Variants in DEPDC5 observed in about 807,000 individuals in gnomAD.
DEPDC5 encodes DEP domain containing 5, GATOR1 subcomplex subunit.
Under a neutral mutation model 217.3 loss-of-function variants are expected in DEPDC5, and 73 were observed. The ratio of observed to expected loss-of-function variants is 0.34; its 90% CI spans 0.28 to 0.41. The LOEUF (loss-of-function observed/expected upper bound fraction) is 0.41. Ranked by LOEUF, DEPDC5 falls within the 10% of genes least tolerant of loss-of-function variation. The pLI is 1.00. For missense variants in DEPDC5, 1,675 were observed against 2,070.1 expected, an observed-to-expected ratio of 0.81 and a Z score of 3.70; for synonymous variants, 733 against 756.7, an observed-to-expected ratio of 0.97 and a Z score of 0.51.
At chr22:31,755,615 G>C (rs1190521284) in intron 2 of DEPDC5, 1 of 151,384 alleles carries the variant, frequency 6.6e-6, no homozygotes, top group Non-Finnish European at 1.5e-5. Flanking sequence ...TGTTGCCCAG[G>C]CTAGTCTGGA....
In DEPDC5 at chr22:31,844,884, A is replaced by G. The variant is rs945289850; in HGVS notation, c.2802-134A>G. On this transcript the variant is annotated intron_variant, in intron 29 of 42. Coordinates refer to ENST00000651528, the MANE Select transcript of DEPDC5 (RefSeq NM_001242896.3). ...AACTTGTATTTTCAACAAAGCCATG[A>G]GCTGTAGCATCAAATGAGCACATAC... 18 of 896,964 alleles carry G rather than the reference A, an allele frequency of 2.0e-5. No homozygotes were observed. The Admixed American group carries it at 3.9e-4, about 19-fold the overall frequency. The allele number at this position is 896,964 out of a possible 1,614,324, so 55.6% of individuals were successfully genotyped here.
intron 27 of DEPDC5, among the ~76,000 whole-genome samples, chr22:31,842,771 A>G (rs2091474295): frequency 6.6e-6 from 1 of 152,124 alleles, no homozygotes. Flanking sequence ...GTAGAGTTCC[A>G]TTTTAGTAAC....
At chr22:31,819,898 G>A (rs2089516697) in intron 22 of DEPDC5, among the ~76,000 whole-genome samples, 1 of 152,056 alleles carries the variant, frequency 6.6e-6, no homozygotes, top group African/African-American at 2.4e-5. Flanking sequence ...TTGGTTACAA[G>A]GAGTTATGTT....
At chr22:31,832,499 T>C (rs1415357614) in intron 24 of DEPDC5, among the ~76,000 whole-genome samples, 1 of 148,234 alleles carries the variant, frequency 6.7e-6, no homozygotes, top group East Asian at 2.0e-4. Context: ...TTTTTTTTTT[T>C]CTTTTGAGAC....
chr22:31,819,064 G>T lies in DEPDC5; in HGVS notation c.1709G>T (p.Ser570Ile). The T allele has an allele frequency of 6.2e-7, 1 of 1,614,216 alleles. No homozygotes were observed. Residue 570 changes from serine to isoleucine, a missense_variant, in exon 22 of 43, where the codon AGT (serine) becomes ATT (isoleucine). By Grantham distance (142) the Ser-to-Ile change is moderately radical. Transcript: ENST00000651528. ...NMMEPPQRDS[S>I]APGRFHVGSA... Reference sequence around the variant, plus strand: ...ATGGAGCCACCACAGCGAGACTCCAGTGCACCAGGGAGGTTTCACGTTGGC... The same window carrying T: ...ATGGAGCCACCACAGCGAGACTCCATTGCACCAGGGAGGTTTCACGTTGGC...
At chr22:31,797,825 C>T in intron 13 of DEPDC5, 122 bp downstream of exon 13, 3 of 763,448 alleles carry the variant, frequency 3.9e-6, no homozygotes, top group Non-Finnish European at 6.6e-6. Context: ...TGCTTTTGGT[C>T]AGGGTTCTGT....
At position 31,843,102 on chromosome 22, in the gene DEPDC5, G is replaced by T; in HGVS notation, c.2523G>T (p.Val841=). 6.2e-7 allele frequency: 1 copy of T among 1,612,792 alleles called. No individual in the cohort carries two copies. Among genetic ancestry groups the T allele is most frequent in the Non-Finnish European group, 8.5e-7 (1 of 1,179,598 alleles). Residue 841 remains valine (V), a synonymous_variant, in exon 28 of 43, where the codon GTG becomes GTT. Transcript: ENST00000651528. ...SSSPLYSRGL[V]SRNRPEEEDQ... ...TTATTATTTTTCTGTTAGGCCTTGT[G>T]TCCCGAAACCGCCCTGAGGAGGAGG...
At chr22:31,801,592 A>G (rs2086873650) in intron 14 of DEPDC5, among the ~76,000 whole-genome samples, 1 of 152,242 alleles carries the variant, frequency 6.6e-6, no homozygotes, top group Non-Finnish European at 1.5e-5. Context: ...CTCAAACACC[A>G]TGTCGAAGAA....
chr22:31,770,864 TCA>T (rs2083292136), intron 7 of DEPDC5, among the ~76,000 whole-genome samples: 1 of 150,876 alleles, frequency 6.6e-6, no homozygotes, highest in African/African-American at 2.4e-5. Flanking sequence ...TGATCTTGTC[TCA>T]CTGCAACCTC....
At chr22:31,801,792 T>C (rs1442364785) in intron 14 of DEPDC5, among the ~76,000 whole-genome samples, 1 of 152,178 alleles carries the variant, frequency 6.6e-6, no homozygotes, top group Non-Finnish European at 1.5e-5. Flanking sequence ...CACATCACTA[T>C]GTATATCATC....
rs2088902833 is a variant in DEPDC5, at chr22:31,814,978, C to A, written c.1446-14C>A. ...CCCTCGCTTGATGGTAACTTTTTGT[C>A]TCTTGCCTGGCAGATCTGTGCGAGA... On this transcript the variant is annotated splice_polypyrimidine_tract_variant and intron_variant, in intron 20 of 42. Transcript: ENST00000651528. 3 of 1,613,764 alleles carry A rather than the reference C, an allele frequency of 1.9e-6. No homozygotes were observed. The East Asian group carries it at 6.7e-5, about 36-fold the overall frequency.
chr22:31,843,463 AGAAG>A (rs2091519446), intron 28 of DEPDC5, among the ~76,000 whole-genome samples, 178 bp from the exon 29 acceptor site: 1 of 152,208 alleles, frequency 6.6e-6, no homozygotes, highest in Admixed American at 6.5e-5. Context: ...TGAGGAGAGA[AGAAG>A]GAAAGAGTTT....
chr22:31,830,925 T>G (rs1372151300), intron 24 of DEPDC5: 1 of 151,946 alleles, frequency 6.6e-6, no homozygotes. Flanking sequence ...TTGCTCAGAG[T>G]GTTTTGCAAA....
At chr22:31,902,897 C>A (rs929068634) in intron 41 of DEPDC5, among the ~76,000 whole-genome samples, 1 of 152,030 alleles carries the variant, frequency 6.6e-6, no homozygotes, top group Non-Finnish European at 1.5e-5. Context: ...TAGCTCTTAC[C>A]CTGCTTGCCC....
intron 37 of DEPDC5, among the ~76,000 whole-genome samples, chr22:31,877,676 G>A (rs1007271343): frequency 6.9e-6 from 1 of 144,212 alleles, no homozygotes; most frequent in Non-Finnish European, 1.5e-5. Flanking sequence ...CTTGAACCCG[G>A]GAGATGGAGG....
chr22:31,870,859 C>T (rs2092821424), intron 34 of DEPDC5, 115 bp downstream of exon 34: 3 of 1,228,060 alleles, frequency 2.4e-6, no homozygotes, highest in Non-Finnish European at 3.2e-6. Context: ...TGCCACAAGT[C>T]ACATGCGACC....
Position 31,837,064 on chromosome 22 carries a change from C to A in DEPDC5, c.2263C>A (p.Leu755Ile). 6.2e-7 allele frequency: 1 copy of A among 1,614,218 alleles called. No individual in the cohort carries two copies. The highest frequency in any genetic ancestry group is 8.5e-7 in the Non-Finnish European group (1 of 1,180,042). Residue 755 changes from leucine (L) to isoleucine (I), a missense_variant, in exon 26 of 43, where the codon CTT becomes ATT. Around this residue, in one of 11 missense-constraint regions of DEPDC5, gnomAD observed 8 missense variants for 30.3 expected, o/e 0.26. Transcript: ENST00000651528. Reference protein sequence around the residue: ...KSLTTPACLPLTTDYFPDRQG... With the variant: ...KSLTTPACLPITTDYFPDRQG... ...TCTCACTACTCCGGCGTGCCTCCCC[C>A]TTACCACCGACTACTTCCCTGACCG...
chr22:31,756,512 A>G (rs2081952979), intron 2 of DEPDC5, among the ~76,000 whole-genome samples: 1 of 152,250 alleles, frequency 6.6e-6, no homozygotes, highest in South Asian at 2.1e-4. Context: ...AACTTTTGGC[A>G]GAGAAAAGAA....
rs374277453 is a variant in DEPDC5 at position 31,857,565 on chromosome 22, C to T, written c.3264+12C>T. 26 of 1,598,100 alleles carry T rather than the reference C, an allele frequency of 1.6e-5. No homozygotes were observed. The highest frequency in any genetic ancestry group is 1.7e-4 in the Middle Eastern group (1 of 5,938). On this transcript the variant is annotated intron_variant, in intron 32 of 42. Transcript: ENST00000651528. Reference sequence around the variant, plus strand: ...ACAGCCCACGAAAGGTAAAGGAAGCCGCGGTAGCAGGGAGCTGTTCTGTGC... The same window carrying T: ...ACAGCCCACGAAAGGTAAAGGAAGCTGCGGTAGCAGGGAGCTGTTCTGTGC...
Sources: gnomAD v4.1 joint callset for allele counts (sites outside exome capture counted in the v4.1 genomes callset) on GRCh38, gnomAD v4.1.1 for gene constraint, gnomAD v4.1.1 regional missense constraint, MANE v1.5 for transcripts, NCBI Gene and HGNC (gene_info 2026-07-23, HGNC 2026-07-21) for gene names.